The following MCU variants were observed in gnomAD, a reference collection of about 807,000 sequenced individuals.
MCU encodes the protein mitochondrial calcium uniporter.
In MCU, 12 loss-of-function variants were observed where a neutral mutation model predicts 45.2. The observed-to-expected ratio is 0.27, with a 90% CI of 0.17 to 0.43. The LOEUF is 0.43. Ranked by LOEUF, MCU falls within the 20% of genes least tolerant of loss-of-function variation. MCU has a pLI of 1.00. For synonymous variants in MCU, 160 were observed against 165.1 expected, an observed-to-expected ratio of 0.97 and a Z score of 0.24; for missense variants, 324 against 436.7, an observed-to-expected ratio of 0.74 and a Z score of 2.30.
chr10:72,871,980 A>G (rs1845548934), intron 6 of MCU, among the ~76,000 whole-genome samples: 1 of 152,198 alleles, frequency 6.6e-6, no homozygotes, highest in South Asian at 2.1e-4. Flanking sequence ...AGTTTTTGGA[A>G]TGGAGAATTG....
chr10:72,807,814 CAT>C (rs779171912), intron 1 of MCU, among the ~76,000 whole-genome samples: 7 of 152,120 alleles, frequency 4.6e-5, no homozygotes, highest in Non-Finnish European at 7.4e-5. Context: ...CATAAAATAA[CAT>C]ATTCTGTTAA....
chr10:72,782,644 A>C (rs1564555313), intron 1 of MCU, among the ~76,000 whole-genome samples: 1 of 152,236 alleles, frequency 6.6e-6, no homozygotes, highest in African/African-American at 2.4e-5. Flanking sequence ...TTGGGATTAC[A>C]GGCATGAGCT....
intron 6 of MCU, among the ~76,000 whole-genome samples, chr10:72,873,413 T>C (rs1249504922): frequency 6.6e-6 from 1 of 152,206 alleles, no homozygotes; most frequent in Admixed American, 6.5e-5. Context: ...TTTTGAGAAA[T>C]GTCTATTCAG....
chr10:72,782,009 G>A (rs1844001941), intron 1 of MCU, among the ~76,000 whole-genome samples: 1 of 152,144 alleles, frequency 6.6e-6, no homozygotes, highest in Admixed American at 6.5e-5. Context: ...AATGCTACCA[G>A]GACACTGCAG....
chr10:72,775,359 TA>T (rs892136413), intron 1 of MCU, among the ~76,000 whole-genome samples: 56 of 152,002 alleles, frequency 3.7e-4, no homozygotes, highest in African/African-American at 1.0e-3. Context: ...ATGGAAAATA[TA>T]ACATACCAAA....
At chr10:72,818,749 G>T (rs1337608392) in intron 1 of MCU, among the ~76,000 whole-genome samples, 1 of 151,552 alleles carries the variant, frequency 6.6e-6, no homozygotes, top group African/African-American at 2.4e-5. Context: ...GCTGAGGCAG[G>T]AGAATTGCGT....
At chr10:72,769,982 G>A (rs1006132157) in intron 1 of MCU, among the ~76,000 whole-genome samples, 1 of 152,058 alleles carries the variant, frequency 6.6e-6, no homozygotes. Flanking sequence ...CGTAAGTTTT[G>A]TTATATTGTG....
rs528623576 is a variant in MCU at position 72,860,640 on chromosome 10, A to C, written c.496+113A>C. On this transcript the variant is annotated intron_variant, in intron 4 of 7. Coordinates refer to ENST00000373053, the MANE Select transcript of MCU (RefSeq NM_138357.3). The stretch of plus-strand genomic sequence containing the variant: ...AACAGACAGTATTCAAAGAACACTG[A>C]AAGTTTTATATACAGATAGACACTA... 2.5e-4 allele frequency: 187 copies of C among 758,978 alleles called. 3 individuals carry two copies. In the South Asian group the frequency reaches 2.9e-3, roughly 12 times the overall value. 47.0% of individuals were successfully genotyped at this position (758,978 alleles called of 1,614,324 possible).
At chr10:72,867,680 C>T (rs1267756172) in intron 4 of MCU, among the ~76,000 whole-genome samples, 1 of 151,810 alleles carries the variant, frequency 6.6e-6, no homozygotes, top group Non-Finnish European at 1.5e-5. Context: ...GGTGAAACCC[C>T]GTCTCTACTA....
intron 2 of MCU, among the ~76,000 whole-genome samples, chr10:72,841,737 T>G (rs1845051336): frequency 6.6e-6 from 1 of 152,244 alleles, no homozygotes; most frequent in South Asian, 2.1e-4. Flanking sequence ...TGCTTTTCTT[T>G]CACTGGCACA....
In MCU at chr10:72,716,663, C is replaced by T. The variant is rs137927586; in HGVS notation, c.150+24362C>T. Among the ~76,000 whole-genome samples, 389 of 151,666 alleles carry T rather than the reference C, an allele frequency of 2.6e-3. 3 individuals carry two copies. The highest frequency in any genetic ancestry group is 6.8e-3 in the Middle Eastern group (2 of 294). Reference sequence around the variant, plus strand: ...CTTTGGGAGGCCGAGGTGTGAGGATCGCTGGAGGCCAGGAGTGCCTAACCA... The same window carrying T: ...CTTTGGGAGGCCGAGGTGTGAGGATTGCTGGAGGCCAGGAGTGCCTAACCA... On this transcript the variant is annotated intron_variant, in intron 1 of 7. Coordinates refer to ENST00000373053, the MANE Select transcript of MCU (RefSeq NM_138357.3).
intron 4 of MCU, among the ~76,000 whole-genome samples, chr10:72,863,072 C>T (rs560430987): frequency 3.9e-5 from 6 of 152,274 alleles, no homozygotes; most frequent in African/African-American, 9.6e-5. Flanking sequence ...TGTATTCCTT[C>T]ATGGTTTCCT....
chr10:72,845,394 C>T (rs944299083), intron 2 of MCU, among the ~76,000 whole-genome samples: 5 of 152,066 alleles, frequency 3.3e-5, no homozygotes, highest in African/African-American at 9.6e-5. Flanking sequence ...TCTGGTTTTT[C>T]GATATATAAA....
chr10:72,860,399 A>G (rs956790854), intron 3 of MCU, 24 bp from the exon 4 acceptor site: 7 of 1,586,854 alleles, frequency 4.4e-6, no homozygotes, highest in Non-Finnish European at 6.1e-6. Context: ...GACCTATGAC[A>G]AGTTTCATTT....
intron 1 of MCU, among the ~76,000 whole-genome samples, chr10:72,736,748 G>T (rs1843256652): frequency 6.6e-6 from 1 of 152,186 alleles, no homozygotes; most frequent in Admixed American, 6.5e-5. Flanking sequence ...TCAGTAAAGA[G>T]ATTTATTAAT....
intron 1 of MCU, among the ~76,000 whole-genome samples, chr10:72,752,760 A>G (rs1843521269): frequency 6.6e-6 from 1 of 152,200 alleles, no homozygotes; most frequent in African/African-American, 2.4e-5. Flanking sequence ...ATAGCAGAGC[A>G]ATGGCTGCTG....
chr10:72,851,541 T>C (rs1008705098), intron 2 of MCU, among the ~76,000 whole-genome samples: 1 of 150,978 alleles, frequency 6.6e-6, no homozygotes, highest in Admixed American at 6.6e-5. Flanking sequence ...GTGCTGCTGA[T>C]TGGTTGTGGA....
intron 1 of MCU, chr10:72,760,614 C>T (rs1228465086): frequency 6.8e-6 from 1 of 146,286 alleles, no homozygotes; most frequent in Non-Finnish European, 1.5e-5. Flanking sequence ...ACTGCAGCCT[C>T]AAACTCCTGG....
At chr10:72,728,235 A>G (rs1200410447) in intron 1 of MCU, among the ~76,000 whole-genome samples, 1 of 152,228 alleles carries the variant, frequency 6.6e-6, no homozygotes, top group African/African-American at 2.4e-5. Flanking sequence ...TTTTATTGGC[A>G]TAATATAGGT....
Sources: allele counts gnomAD v4.1 joint callset (sites outside exome capture counted in the v4.1 genomes callset), GRCh38; gene constraint gnomAD v4.1.1; transcripts MANE v1.5; gene names NCBI Gene and HGNC (gene_info 2026-07-23, HGNC 2026-07-21).